Variants in FAF1 observed in about 807,000 individuals in gnomAD.
The protein encoded by FAF1 is FAS-associated factor 1.
Under a neutral mutation model 92.5 loss-of-function variants are expected in FAF1, and 25 were observed. That is an observed-to-expected ratio of 0.27 (90% CI 0.20 to 0.38). The LOEUF (loss-of-function observed/expected upper bound fraction) is 0.38, where lower values mean the gene tolerates loss of function less well. Ranked by LOEUF, FAF1 falls within the 10% of genes least tolerant of loss-of-function variation. The pLI, the probability that FAF1 is intolerant of heterozygous loss-of-function variation, is 1.00. For synonymous variants in FAF1, 234 were observed against 273.2 expected (o/e 0.86, Z 1.42); for missense variants, 636 against 793.3 (o/e 0.80, Z 2.38).
chr1:50,748,556 A>C (rs1569878618), intron 4 of FAF1, among the ~76,000 whole-genome samples: 1 of 152,110 alleles, frequency 6.6e-6, no homozygotes, highest in East Asian at 1.9e-4. Flanking sequence ...AAAAATAGAC[A>C]TGATGCTAAT....
intron 18 of FAF1, among the ~76,000 whole-genome samples, chr1:50,453,329 C>A (rs760757674): frequency 2.6e-5 from 4 of 152,158 alleles, no homozygotes; most frequent in African/African-American, 9.7e-5. Flanking sequence ...CAGGGCCATG[C>A]GAGCTGGTGT....
chr1:50,687,426 T>A (rs1409380679), intron 7 of FAF1, among the ~76,000 whole-genome samples: 19 of 150,354 alleles, frequency 1.3e-4, no homozygotes, highest in Non-Finnish European at 4.4e-5. Flanking sequence ...CCAAAGAAGT[T>A]CTATAAATGG....
intron 7 of FAF1, among the ~76,000 whole-genome samples, chr1:50,658,726 T>C (rs1390480439): frequency 6.6e-6 from 1 of 152,254 alleles, no homozygotes; most frequent in African/African-American, 2.4e-5. Context: ...CAGACAGAAC[T>C]TGGCTGAGAG....
chr1:50,447,711 C>T (rs529484325), intron 18 of FAF1, among the ~76,000 whole-genome samples: 16 of 152,328 alleles, frequency 1.1e-4, no homozygotes, highest in African/African-American at 3.8e-4. Flanking sequence ...CATCTTACCT[C>T]TTACGCCAAT....
intron 7 of FAF1, among the ~76,000 whole-genome samples, chr1:50,691,801 G>C (rs1450118407): frequency 6.6e-6 from 1 of 152,224 alleles, no homozygotes; most frequent in Non-Finnish European, 1.5e-5. Context: ...GACTATAGGC[G>C]TGAGCCATCG....
chr1:50,599,657 G>C (rs989639169), intron 8 of FAF1, among the ~76,000 whole-genome samples: 1 of 152,116 alleles, frequency 6.6e-6, no homozygotes, highest in Non-Finnish European at 1.5e-5. Context: ...TGACAAATGG[G>C]AAGTATGTAT....
intron 6 of FAF1, among the ~76,000 whole-genome samples, chr1:50,735,785 C>A (rs115886313): frequency 0.013 from 2,010 of 152,234 alleles, 40 homozygotes; most frequent in African/African-American, 0.047. Context: ...GGCATGATCT[C>A]AGCTCACTGT....
intron 2 of FAF1, among the ~76,000 whole-genome samples, chr1:50,814,573 T>C (rs1643949255): frequency 6.6e-6 from 1 of 152,186 alleles, no homozygotes; most frequent in African/African-American, 2.4e-5. Context: ...TTCAACTACA[T>C]GTATGTATCT....
rs113581784 is a variant in FAF1 at position 50,582,915 on chromosome 1, C to T, written c.1032-216G>A. ...TACTAAAATACTGGAATTTTAAGTA[C>T]ACTTAGCAAATGAATTTAATAAGTG... On this transcript the variant is annotated intron_variant, in intron 11 of 18. Coordinates refer to ENST00000396153, the MANE Select transcript of FAF1 (RefSeq NM_007051.3). 3.7e-4 allele frequency among the ~76,000 whole-genome samples: 57 copies of T among 152,224 alleles called. 4 individuals are homozygous for T. Among genetic ancestry groups the T allele is most frequent in the African/African-American group, 1.3e-3 (55 of 41,554 alleles).
At chr1:50,510,538 G>A (rs1047039554) in intron 15 of FAF1, among the ~76,000 whole-genome samples, 11 of 152,126 alleles carry the variant, frequency 7.2e-5, no homozygotes, top group African/African-American at 1.7e-4. Flanking sequence ...GTCCCTAACC[G>A]ACTGTTACAC....
At chr1:50,655,304 G>A (rs1011937978) in intron 8 of FAF1, 138 bp downstream of exon 8, 4 of 688,752 alleles carry the variant, frequency 5.8e-6, no homozygotes, top group Admixed American at 2.4e-5. Flanking sequence ...TTACAGGCAT[G>A]AGCCACCGTG....
At chr1:50,715,425 G>A (rs1214707682) in intron 6 of FAF1, among the ~76,000 whole-genome samples, 2 of 151,972 alleles carry the variant, frequency 1.3e-5, no homozygotes, top group Non-Finnish European at 2.9e-5. Context: ...AACACAGAAA[G>A]GTCCTGTCTC....
At chr1:50,659,376 G>C (rs1655271714) in intron 7 of FAF1, among the ~76,000 whole-genome samples, 1 of 152,058 alleles carries the variant, frequency 6.6e-6, no homozygotes, top group Non-Finnish European at 1.5e-5. Flanking sequence ...GTGAGAAAGA[G>C]AGGGGGAAGG....
At chr1:50,814,707 C>G (rs567764465) in intron 2 of FAF1, among the ~76,000 whole-genome samples, 3 of 152,278 alleles carry the variant, frequency 2.0e-5, no homozygotes, top group Non-Finnish European at 2.9e-5. Flanking sequence ...TCTCCAAAGA[C>G]ATACAAATGG....
chr1:50,562,478 G>A (rs183102392), intron 13 of FAF1, among the ~76,000 whole-genome samples: 1 of 152,214 alleles, frequency 6.6e-6, no homozygotes, highest in Non-Finnish European at 1.5e-5. Context: ...CTTTAGTAAA[G>A]AAGAGCAAAA....
chr1:50,587,787 T>C (rs1220589993), intron 9 of FAF1, among the ~76,000 whole-genome samples: 1 of 152,156 alleles, frequency 6.6e-6, no homozygotes, highest in Non-Finnish European at 1.5e-5. Context: ...GAGTGATTAG[T>C]GCTATGACAT....
chr1:50,590,763 C>T (rs1204152363), intron 9 of FAF1, among the ~76,000 whole-genome samples: 1 of 152,014 alleles, frequency 6.6e-6, no homozygotes, highest in African/African-American at 2.4e-5. Context: ...GGATAGATCA[C>T]CTGAGGTCAG....
chr1:50,798,071 TA>T (rs1291516386), intron 3 of FAF1, among the ~76,000 whole-genome samples: 2,230 of 135,742 alleles, frequency 0.016, 42 homozygotes, highest in African/African-American at 0.049. Context: ...GGCACCTCCT[TA>T]AAAAAAAAAA....
intron 1 of FAF1, among the ~76,000 whole-genome samples, chr1:50,895,408 G>A (rs779868849): frequency 2.2e-4 from 33 of 152,048 alleles, no homozygotes; most frequent in Admixed American, 1.4e-3. Context: ...GGGACCCGAC[G>A]GCTTTACCTG....
Sources: gnomAD v4.1 joint callset for allele counts (sites outside exome capture counted in the v4.1 genomes callset) on GRCh38, gnomAD v4.1.1 for gene constraint, MANE v1.5 for transcripts, NCBI Gene and HGNC (gene_info 2026-07-23, HGNC 2026-07-21) for gene names.